Variants in RGS21 observed in about 807,000 individuals in gnomAD.
RGS21 encodes regulator of G-protein signalling 21.
In RGS21, 19 loss-of-function variants were observed where a neutral mutation model predicts 18.7. The observed-to-expected ratio is 1.01, with a 90% CI of 0.71 to 1.49. The LOEUF (loss-of-function observed/expected upper bound fraction) is 1.49. RGS21 is among the 40% of genes most tolerant of loss of function. The pLI is 0.00. For missense variants in RGS21, 194 were observed against 176.8 expected, an observed-to-expected ratio of 1.10 and a Z score of -0.55; for synonymous variants, 56 against 57.8, an observed-to-expected ratio of 0.97 and a Z score of 0.14.
chr1:192,343,042 A>G lies in RGS21; in HGVS notation c.6A>G (p.Pro2=). 1 of 1,612,726 alleles carries G rather than the reference A, an allele frequency of 6.2e-7. No homozygotes were observed. Among genetic ancestry groups the G allele is most frequent in the Non-Finnish European group, 8.5e-7 (1 of 1,178,898 alleles). Residue 2 remains proline (P), a synonymous_variant, in exon 2 of 5, where the codon CCA becomes CCG. Coordinates refer to ENST00000417209, the MANE Select transcript of RGS21 (RefSeq NM_001039152.3). M[P]VKCCFYRSPT... is the part of the protein sequence containing the mutation. ...GACAGACAGTGGAACGAAAAATGCC[A>G]GTGAAGTGAGTTGCCGTTTCCAGCT...
At chr1:192,360,660 G>A (rs1322889952) in intron 4 of RGS21, among the ~76,000 whole-genome samples, 1 of 151,846 alleles carries the variant, frequency 6.6e-6, no homozygotes, top group Non-Finnish European at 1.5e-5. Context: ...GTTGGCCTCA[G>A]AATAAGTAAA....
At chr1:192,345,421 C>T (rs536951467) in intron 2 of RGS21, among the ~76,000 whole-genome samples, 10 of 152,090 alleles carry the variant, frequency 6.6e-5, no homozygotes, top group South Asian at 2.1e-4. Context: ...ATCTTGAAGG[C>T]CATTTACCCT....
chr1:192,359,429 A>T lies in RGS21; in HGVS notation c.256-6492A>T, dbSNP rs945771986. ...TGAGTTTCTAGAGTGTCACCTCCTG[A>T]TGGAGTCCCACCTTCAGTATACTTC... On this transcript the variant is annotated intron_variant, in intron 4 of 4. Transcript: ENST00000417209. 1.1e-3 allele frequency among the ~76,000 whole-genome samples: 161 copies of T among 151,942 alleles called. 1 individual carries two copies. The highest frequency in any genetic ancestry group is 2.9e-3 in the African/African-American group (122 of 41,394).
intron 1 of RGS21, among the ~76,000 whole-genome samples, chr1:192,337,555 A>G (rs1341648849): frequency 1.3e-5 from 2 of 152,112 alleles, no homozygotes; most frequent in Admixed American, 1.3e-4. Flanking sequence ...GTCAGCAAAG[A>G]CAGGAAAGGT....
chr1:192,319,899 T>C (rs1325060521), intron 1 of RGS21, among the ~76,000 whole-genome samples: 1 of 152,098 alleles, frequency 6.6e-6, no homozygotes, highest in Non-Finnish European at 1.5e-5. Context: ...TTTCTTCATC[T>C]AAAAATGGTG....
chr1:192,319,391 T>C (rs531133035), intron 1 of RGS21, among the ~76,000 whole-genome samples: 1 of 152,290 alleles, frequency 6.6e-6, no homozygotes, highest in South Asian at 2.1e-4. Context: ...ATATATAATT[T>C]TCTTCTGCTG....
chr1:192,366,193 T>TTGTC lies in RGS21; in HGVS notation c.*71_*74dup. ...ATTTTAAATATACAAGCATGATGCA[T>TTGTC]TGTCTTTTGTTTTGTTTTTAGGATT... On this transcript the variant is annotated 3_prime_UTR_variant, in exon 5 of 5. Transcript: ENST00000417209. 1 of 912,774 alleles carries TTGTC rather than the reference T, an allele frequency of 1.1e-6. No individual in the cohort carries two copies. Among genetic ancestry groups the TTGTC allele is most frequent in the Non-Finnish European group, 1.7e-6 (1 of 582,398 alleles). The allele number at this position is 912,774 out of a possible 1,614,324, so 56.5% of individuals were successfully genotyped here.
intron 4 of RGS21, among the ~76,000 whole-genome samples, chr1:192,362,969 A>T (rs1659206718): frequency 1.3e-5 from 2 of 152,136 alleles, no homozygotes; most frequent in African/African-American, 4.8e-5. Context: ...AAAGAAAAAA[A>T]ATCCACACAT....
chr1:192,360,902 T>G (rs1659179325), intron 4 of RGS21, among the ~76,000 whole-genome samples: 1 of 152,142 alleles, frequency 6.6e-6, no homozygotes, highest in African/African-American at 2.4e-5. Flanking sequence ...GGGTTACTTT[T>G]TCAAAATCTG....
chr1:192,352,578 A>G (rs1046123092), intron 4 of RGS21, among the ~76,000 whole-genome samples: 4 of 152,110 alleles, frequency 2.6e-5, no homozygotes, highest in Non-Finnish European at 5.9e-5. Context: ...TTGCTAAACT[A>G]GGAATTAGAC....
intron 1 of RGS21, among the ~76,000 whole-genome samples, chr1:192,327,623 C>T (rs1658585658): frequency 6.6e-6 from 1 of 152,080 alleles, no homozygotes; most frequent in South Asian, 2.1e-4. Context: ...CAGGCATGTG[C>T]CACCACACCC....
intron 1 of RGS21, among the ~76,000 whole-genome samples, chr1:192,331,247 A>G (rs79848866): frequency 6.6e-6 from 1 of 152,176 alleles, no homozygotes; most frequent in Non-Finnish European, 1.5e-5. Context: ...TTAAAAAAAA[A>G]TCTATTTTAA....
At chr1:192,364,028 C>A (rs1189882005) in intron 4 of RGS21, among the ~76,000 whole-genome samples, 1 of 152,048 alleles carries the variant, frequency 6.6e-6, no homozygotes, top group Admixed American at 6.6e-5. Context: ...TGCTTTAATT[C>A]TTATATCACT....
chr1:192,341,804 G>GAAGAAA (rs1658865914), intron 1 of RGS21, among the ~76,000 whole-genome samples: 3 of 145,634 alleles, frequency 2.1e-5, no homozygotes, highest in Middle Eastern at 3.5e-3. Context: ...TTTAAATTTT[G>GAAGAAA]ACAGTGTATT....
At chr1:192,322,698 T>A (rs1322786601) in intron 1 of RGS21, among the ~76,000 whole-genome samples, 1 of 151,970 alleles carries the variant, frequency 6.6e-6, no homozygotes, top group African/African-American at 2.4e-5. Context: ...CTCAACACCA[T>A]CTCCCCAGAT....
intron 1 of RGS21, among the ~76,000 whole-genome samples, chr1:192,327,338 G>A (rs377545400): frequency 1.8e-4 from 28 of 151,994 alleles, no homozygotes; most frequent in African/African-American, 6.3e-4. Flanking sequence ...TTCTAGCAAC[G>A]AGTAGATTAT....
intron 1 of RGS21, among the ~76,000 whole-genome samples, chr1:192,322,705 A>G (rs1658514357): frequency 6.6e-6 from 1 of 152,038 alleles, no homozygotes. Context: ...CCATCTCCCC[A>G]GATTTCACTG....
rs902747474 is a variant in RGS21 at position 192,335,655 on chromosome 1, C to T, written c.-60-7322C>T. 2.0e-5 allele frequency among the ~76,000 whole-genome samples: 3 copies of T among 152,218 alleles called. No individual in the cohort carries two copies. In the East Asian group the frequency reaches 5.8e-4, roughly 29 times the overall value. Reference sequence around the variant, plus strand: ...GTAGAAAATATGTAATCAGCAGCATCGCAATGCTACCAACGGAAGGTTATT... The same window carrying T: ...GTAGAAAATATGTAATCAGCAGCATTGCAATGCTACCAACGGAAGGTTATT... On this transcript the variant is annotated intron_variant, in intron 1 of 4. Coordinates refer to ENST00000417209, the MANE Select transcript of RGS21 (RefSeq NM_001039152.3).
At chr1:192,364,677 T>C (rs1289380058) in intron 4 of RGS21, among the ~76,000 whole-genome samples, 1 of 152,124 alleles carries the variant, frequency 6.6e-6, no homozygotes, top group Non-Finnish European at 1.5e-5. Context: ...CTAACATTTT[T>C]ACCATCTCCT....
Sources: gnomAD v4.1 joint callset for allele counts (sites outside exome capture counted in the v4.1 genomes callset) on GRCh38, gnomAD v4.1.1 for gene constraint, MANE v1.5 for transcripts, NCBI Gene and HGNC (gene_info 2026-07-23, HGNC 2026-07-21) for gene names.